The following NEDD4L variants were observed in gnomAD, a reference collection of about 807,000 sequenced individuals.
The protein encoded by NEDD4L is E3 ubiquitin-protein ligase NEDD4-like.
Under a neutral mutation model 148.9 loss-of-function variants are expected in NEDD4L, and 54 were observed. The ratio of observed to expected loss-of-function variants is 0.36; its 90% CI spans 0.29 to 0.45. The LOEUF (loss-of-function observed/expected upper bound fraction) is 0.45. Among genes scored for constraint, NEDD4L ranks in the 20% least tolerant of loss-of-function variants. NEDD4L has a pLI of 1.00. For missense variants in NEDD4L, 856 were observed against 1,233.8 expected, an observed-to-expected ratio of 0.69 and a Z score of 4.59; for synonymous variants, 433 against 440.7, an observed-to-expected ratio of 0.98 and a Z score of 0.22.
intron 2 of NEDD4L, among the ~76,000 whole-genome samples, chr18:58,237,488 T>A (rs2046172000): frequency 6.6e-6 from 1 of 152,188 alleles, no homozygotes; most frequent in African/African-American, 2.4e-5. Context: ...AGTCACAGAT[T>A]GTCATTTTCT....
At chr18:58,181,154 A>T (rs1229477186) in intron 2 of NEDD4L, among the ~76,000 whole-genome samples, 1 of 152,254 alleles carries the variant, frequency 6.6e-6, no homozygotes, top group Non-Finnish European at 1.5e-5. Context: ...CTAGTTTTAA[A>T]GTAGATAATA....
At chr18:58,065,636 T>C (rs986691326) in intron 1 of NEDD4L, among the ~76,000 whole-genome samples, 1 of 152,192 alleles carries the variant, frequency 6.6e-6, no homozygotes, top group East Asian at 1.9e-4. Context: ...ATCGGGTGCC[T>C]GTGGGTCAGT....
intron 1 of NEDD4L, among the ~76,000 whole-genome samples, chr18:58,154,636 A>G (rs569947722): frequency 6.6e-6 from 1 of 152,082 alleles, no homozygotes. Context: ...AAATACAAAA[A>G]ATTAGCCAGA....
intron 2 of NEDD4L, among the ~76,000 whole-genome samples, chr18:58,181,564 T>C (rs2038869542): frequency 6.6e-6 from 1 of 152,082 alleles, no homozygotes; most frequent in Non-Finnish European, 1.5e-5. Flanking sequence ...CCCAAATAGC[T>C]AGACCATGGT....
chr18:58,234,796 A>G (rs947260254), intron 2 of NEDD4L, among the ~76,000 whole-genome samples: 4 of 152,140 alleles, frequency 2.6e-5, no homozygotes, highest in African/African-American at 4.8e-5. Context: ...CAAGTTCAAG[A>G]TCTTGCCTCA....
chr18:58,384,817 C>G (rs1442604079), intron 25 of NEDD4L, among the ~76,000 whole-genome samples: 1 of 152,186 alleles, frequency 6.6e-6, no homozygotes, highest in Non-Finnish European at 1.5e-5. Context: ...CAGTGTACCA[C>G]CCCGAAGGTG....
intron 1 of NEDD4L, among the ~76,000 whole-genome samples, chr18:58,115,952 A>G (rs1032354020): frequency 6.6e-6 from 1 of 152,166 alleles, no homozygotes; most frequent in Non-Finnish European, 1.5e-5. Context: ...TGGGTTGGAA[A>G]TTGATGTTAT....
intron 6 of NEDD4L, among the ~76,000 whole-genome samples, chr18:58,319,243 A>G (rs1207603039): frequency 1.3e-5 from 2 of 152,160 alleles, no homozygotes; most frequent in East Asian, 1.9e-4. Flanking sequence ...TAAGCAGGTC[A>G]TTGGTGGTGC....
intron 2 of NEDD4L, among the ~76,000 whole-genome samples, chr18:58,236,549 C>A (rs908352151): frequency 6.6e-6 from 1 of 152,106 alleles, no homozygotes; most frequent in Non-Finnish European, 1.5e-5. Flanking sequence ...ACAGCCGTTC[C>A]TTTTCTTTTA....
intron 1 of NEDD4L, among the ~76,000 whole-genome samples, chr18:58,153,242 G>C (rs950047004): frequency 6.6e-6 from 1 of 152,022 alleles, no homozygotes; most frequent in African/African-American, 2.4e-5. Flanking sequence ...AGTTGTAGAG[G>C]GACCTACAGT....
rs183455611 is a variant in NEDD4L, at chr18:58,179,804, T to G, written c.122+13943T>G. Reference sequence around the variant, plus strand: ...CTCGGGGCTCCTACTGATTCTATATTATGAAGAGTTGTATAATTATTTCAT... The same window carrying G: ...CTCGGGGCTCCTACTGATTCTATATGATGAAGAGTTGTATAATTATTTCAT... On this transcript the variant is annotated intron_variant, in intron 2 of 30. Transcript: ENST00000400345. 3.3e-5 allele frequency among the ~76,000 whole-genome samples: 5 copies of G among 152,070 alleles called. No individual in the cohort carries two copies. The East Asian group carries it at 9.7e-4, about 29-fold the overall frequency.
intron 1 of NEDD4L, among the ~76,000 whole-genome samples, chr18:58,062,049 A>G (rs933096054): frequency 6.6e-6 from 1 of 152,142 alleles, no homozygotes; most frequent in African/African-American, 2.4e-5. Flanking sequence ...TCTTCATAAT[A>G]TCTCATTATT....
At chr18:58,306,133 C>T (rs1024866575) in intron 5 of NEDD4L, among the ~76,000 whole-genome samples, 7 of 152,000 alleles carry the variant, frequency 4.6e-5, no homozygotes, top group Admixed American at 1.3e-4. Flanking sequence ...GTTCTCATGC[C>T]AGATCGGTTT....
chr18:58,234,225 CTTCT>C (rs945288851), intron 2 of NEDD4L, among the ~76,000 whole-genome samples: 10 of 136,838 alleles, frequency 7.3e-5, no homozygotes, highest in African/African-American at 1.7e-4. Context: ...CCCTTCCTTC[CTTCT>C]TTCTTTTAAA....
At chr18:58,140,327 C>G (rs962532135) in intron 1 of NEDD4L, among the ~76,000 whole-genome samples, 2 of 152,202 alleles carry the variant, frequency 1.3e-5, no homozygotes, top group Admixed American at 1.3e-4. Flanking sequence ...TTATAGAAGC[C>G]CTCTGTTTGT....
intron 22 of NEDD4L, among the ~76,000 whole-genome samples, chr18:58,369,431 G>A (rs2046533169): frequency 1.4e-5 from 1 of 73,646 alleles, no homozygotes; most frequent in African/African-American, 5.4e-5. Context: ...TCCCACAGAT[G>A]GGAATGTCCC....
chr18:58,258,457 T>G (rs1268162700), intron 5 of NEDD4L, among the ~76,000 whole-genome samples: 1 of 152,198 alleles, frequency 6.6e-6, no homozygotes, highest in East Asian at 1.9e-4. Context: ...ATTCATACAA[T>G]TAAACTCAAA....
At chr18:58,374,546 G>A (rs978001888) in intron 24 of NEDD4L, among the ~76,000 whole-genome samples, 1 of 151,388 alleles carries the variant, frequency 6.6e-6, no homozygotes, top group Admixed American at 6.6e-5. Flanking sequence ...TCTCCTGCAC[G>A]GGGACCTTGT....
intron 5 of NEDD4L, among the ~76,000 whole-genome samples, chr18:58,257,926 C>A (rs1245862575): frequency 6.6e-6 from 1 of 152,128 alleles, no homozygotes; most frequent in Non-Finnish European, 1.5e-5. Context: ...CTTTGGATTT[C>A]ACTTATGAAT....
Sources: allele counts gnomAD v4.1 joint callset (sites outside exome capture counted in the v4.1 genomes callset), GRCh38; gene constraint gnomAD v4.1.1; transcripts MANE v1.5; gene names NCBI Gene and HGNC (gene_info 2026-07-23, HGNC 2026-07-21).